C8orf34: variants seen among roughly 807,000 people sequenced by gnomAD.
C8orf34 encodes the protein chromosome 8 open reading frame 34, also known as uncharacterized protein C8orf34.
A neutral mutation model predicts 68.3 loss-of-function variants in C8orf34; 65 were observed. The observed-to-expected ratio is 0.95, with a 90% confidence interval of 0.78 to 1.17. C8orf34 has a LOEUF of 1.17. Ranked by LOEUF, C8orf34 falls within the 50% of genes most tolerant of loss-of-function variation. The probability of loss-of-function intolerance (pLI) is 0.00; values close to 1 mark genes in which losing one functional copy is unlikely to be tolerated. For synonymous variants in C8orf34, 244 were observed against 241.2 expected (o/e 1.01, Z -0.11); for missense variants, 664 against 655.4 (o/e 1.01, Z -0.14).
chr8:68,693,107 A>G (rs1299247750), intron 8 of C8orf34, among the ~76,000 whole-genome samples: 2 of 152,080 alleles, frequency 1.3e-5, no homozygotes, highest in Non-Finnish European at 2.9e-5. Flanking sequence ...ATTTCCCCCA[A>G]ATTTATGAAT....
intron 12 of C8orf34, among the ~76,000 whole-genome samples, chr8:68,806,946 A>C (rs1824506279): frequency 6.6e-6 from 1 of 152,202 alleles, no homozygotes; most frequent in Non-Finnish European, 1.5e-5. Flanking sequence ...ATACACTTGC[A>C]AGATGGTTAA....
intron 8 of C8orf34, among the ~76,000 whole-genome samples, chr8:68,658,862 T>C (rs1819586996): frequency 6.6e-6 from 1 of 152,226 alleles, no homozygotes; most frequent in Non-Finnish European, 1.5e-5. Context: ...GTTTTCTCTT[T>C]CCTTAAAGTT....
chr8:68,659,214 T>A (rs1314292072), intron 8 of C8orf34, among the ~76,000 whole-genome samples: 1 of 152,166 alleles, frequency 6.6e-6, no homozygotes, highest in Non-Finnish European at 1.5e-5. Flanking sequence ...ATTATTTCTG[T>A]GTCATTGAGC....
At chr8:68,541,117 G>A (rs1344015537) in intron 7 of C8orf34, among the ~76,000 whole-genome samples, 4 of 151,990 alleles carry the variant, frequency 2.6e-5, no homozygotes, top group Non-Finnish European at 5.9e-5. Context: ...TTAGGGTTTC[G>A]TGAGGATGAA....
At chr8:68,532,185 G>A (rs1276200884) in intron 6 of C8orf34, among the ~76,000 whole-genome samples, 5 of 152,082 alleles carry the variant, frequency 3.3e-5, no homozygotes. Context: ...CAGAAAAACA[G>A]AAAGAACAGA....
At chr8:68,679,096 C>A (rs527458151) in intron 8 of C8orf34, among the ~76,000 whole-genome samples, 2 of 151,512 alleles carry the variant, frequency 1.3e-5, no homozygotes, top group Non-Finnish European at 2.9e-5. Flanking sequence ...GTCAGGAGAT[C>A]GAAACACAGT....
In C8orf34 at chr8:68,809,837, G is replaced by A. The variant is rs565522713; in HGVS notation, c.1550-6049G>A. Reference sequence around the variant, plus strand: ...ATGGTCTCATTGGAGGTAGTCTGAGGATAGATATGGTGGCTGAAGAAACTA... The same window carrying A: ...ATGGTCTCATTGGAGGTAGTCTGAGAATAGATATGGTGGCTGAAGAAACTA... On this transcript the variant is annotated intron_variant, in intron 12 of 13. Transcript: ENST00000518698. 2.0e-5 allele frequency among the ~76,000 whole-genome samples: 3 copies of A among 152,284 alleles called. No homozygotes were observed. The South Asian group carries it at 6.2e-4, about 32-fold the overall frequency.
intron 7 of C8orf34, among the ~76,000 whole-genome samples, chr8:68,571,387 G>T (rs1319285976): frequency 6.6e-6 from 1 of 152,158 alleles, no homozygotes; most frequent in African/African-American, 2.4e-5. Context: ...TTCCATTTCA[G>T]TCTTCTTGCT....
At chr8:68,810,061 A>G (rs1275501452) in intron 12 of C8orf34, among the ~76,000 whole-genome samples, 1 of 152,212 alleles carries the variant, frequency 6.6e-6, no homozygotes, top group Non-Finnish European at 1.5e-5. Flanking sequence ...TTGCTTCACC[A>G]GCTGGAAACC....
chr8:68,395,390 C>A (rs1586048266), intron 1 of C8orf34, among the ~76,000 whole-genome samples: 1 of 150,428 alleles, frequency 6.6e-6, no homozygotes, highest in Non-Finnish European at 1.5e-5. Flanking sequence ...CACACACACA[C>A]ACACACAAAC....
chr8:68,452,802 G>A (rs1351666806), intron 3 of C8orf34, among the ~76,000 whole-genome samples: 2 of 142,116 alleles, frequency 1.4e-5, no homozygotes, highest in South Asian at 4.5e-4. Flanking sequence ...TTTTTTTTTT[G>A]GCTTGTGTTT....
chr8:68,369,944 G>T (rs1309463212), intron 1 of C8orf34, among the ~76,000 whole-genome samples: 1 of 152,148 alleles, frequency 6.6e-6, no homozygotes, highest in South Asian at 2.1e-4. Flanking sequence ...CCCCTCTCAC[G>T]CAGGGAAGCT....
chr8:68,809,680 T>G (rs1233095813), intron 12 of C8orf34, among the ~76,000 whole-genome samples: 1 of 152,210 alleles, frequency 6.6e-6, no homozygotes, highest in Admixed American at 6.5e-5. Flanking sequence ...TGTTATACCA[T>G]CATTAATCCC....
At chr8:68,628,170 A>G (rs1818591791) in intron 7 of C8orf34, among the ~76,000 whole-genome samples, 1 of 152,170 alleles carries the variant, frequency 6.6e-6, no homozygotes, top group African/African-American at 2.4e-5. Context: ...ATTCTAACTT[A>G]AATTGTTTTT....
intron 1 of C8orf34, among the ~76,000 whole-genome samples, chr8:68,412,933 G>A (rs942275668): frequency 4.6e-5 from 7 of 152,152 alleles, no homozygotes; most frequent in African/African-American, 1.7e-4. Flanking sequence ...CTTAAACTCT[G>A]TGGTCAGTGA....
At chr8:68,462,700 A>G (rs540891589) in intron 3 of C8orf34, among the ~76,000 whole-genome samples, 1 of 152,150 alleles carries the variant, frequency 6.6e-6, no homozygotes, top group African/African-American at 2.4e-5. Context: ...TACTGGGTAC[A>G]TAACAAAATG....
At chr8:68,673,292 A>G (rs1820075052) in intron 8 of C8orf34, among the ~76,000 whole-genome samples, 1 of 151,816 alleles carries the variant, frequency 6.6e-6, no homozygotes, top group South Asian at 2.1e-4. Flanking sequence ...CAGCTCAGCC[A>G]CACCTAATTG....
intron 3 of C8orf34, among the ~76,000 whole-genome samples, chr8:68,463,165 C>A (rs1371991325): frequency 6.6e-6 from 1 of 151,716 alleles, no homozygotes; most frequent in South Asian, 2.1e-4. Flanking sequence ...ACAAACACCT[C>A]TGCGCAAATA....
At chr8:68,604,533 C>G (rs1455361817) in intron 7 of C8orf34, among the ~76,000 whole-genome samples, 1 of 151,932 alleles carries the variant, frequency 6.6e-6, no homozygotes, top group Non-Finnish European at 1.5e-5. Context: ...TTTTCATGTG[C>G]TTAAAAATAT....
Sources: gnomAD v4.1 joint callset for allele counts (sites outside exome capture counted in the v4.1 genomes callset) on GRCh38, gnomAD v4.1.1 for gene constraint, MANE v1.5 for transcripts, NCBI Gene and HGNC (gene_info 2026-07-23, HGNC 2026-07-21) for gene names.